Variants in CHRNB3 observed in about 807,000 individuals in gnomAD.
The protein encoded by CHRNB3 is neuronal acetylcholine receptor subunit beta-3.
In CHRNB3, 37 loss-of-function variants were observed where a neutral mutation model predicts 40.6. The ratio of observed to expected loss-of-function variants is 0.91; its 90% confidence interval spans 0.70 to 1.20. The LOEUF is 1.20. Ranked by LOEUF, CHRNB3 falls within the 50% of genes most tolerant of loss-of-function variation. The pLI is 0.00. For synonymous variants in CHRNB3, 207 were observed against 207.1 expected, an observed-to-expected ratio of 1.00 and a Z score of 0.00; for missense variants, 505 against 551.2, an observed-to-expected ratio of 0.92 and a Z score of 0.84.
chr8:42,709,751 C>T (rs1419761216), intron 2 of CHRNB3, among the ~76,000 whole-genome samples: 1 of 152,196 alleles, frequency 6.6e-6, no homozygotes, highest in South Asian at 2.1e-4. Context: ...CCTGCCTCAG[C>T]TTCCTGAGTA....
intron 3 of CHRNB3, among the ~76,000 whole-genome samples, chr8:42,725,058 T>C (rs1816282822): frequency 6.6e-6 from 1 of 151,510 alleles, no homozygotes; most frequent in Admixed American, 6.6e-5. Context: ...GCCATGAACA[T>C]AAGCTACTGT....
intron 3 of CHRNB3, 90 bp downstream of exon 3, chr8:42,710,524 G>A (rs1317116408): frequency 1.4e-5 from 14 of 1,021,134 alleles, no homozygotes; most frequent in Non-Finnish European, 1.9e-5. Flanking sequence ...TTATTTAAGA[G>A]GGCATATTGT....
chr8:42,728,382 G>T (rs1041025708), intron 3 of CHRNB3, among the ~76,000 whole-genome samples: 22 of 152,050 alleles, frequency 1.4e-4, no homozygotes, highest in Non-Finnish European at 3.1e-4. Context: ...AATTAGCCGG[G>T]TGTGGTGGTA....
intron 5 of CHRNB3, among the ~76,000 whole-genome samples, chr8:42,733,573 T>G (rs1049627076): frequency 1.3e-5 from 2 of 151,246 alleles, no homozygotes; most frequent in African/African-American, 4.9e-5. Context: ...CCTTTCTAAT[T>G]ATCATCCTCA....
At chr8:42,729,797 A>T (rs983231109) in intron 3 of CHRNB3, among the ~76,000 whole-genome samples, 2 of 152,070 alleles carry the variant, frequency 1.3e-5, no homozygotes, top group Non-Finnish European at 2.9e-5. Context: ...ATGATTCTGG[A>T]CCCTAAAATC....
intron 1 of CHRNB3, among the ~76,000 whole-genome samples, chr8:42,707,909 T>C (rs1354148249): frequency 6.6e-6 from 1 of 152,182 alleles, no homozygotes; most frequent in Non-Finnish European, 1.5e-5. Flanking sequence ...TGGGTAAACA[T>C]GATCAAATAT....
chr8:42,707,335 T>G (rs1417820214), intron 1 of CHRNB3, among the ~76,000 whole-genome samples: 1 of 152,198 alleles, frequency 6.6e-6, no homozygotes, highest in Non-Finnish European at 1.5e-5. Context: ...AGGGTATGTC[T>G]CTCATGAGAT....
At position 42,726,695 on chromosome 8, in the gene CHRNB3, G is replaced by T. The variant is rs78631850; in HGVS notation, c.250-3899G>T. 2.3e-3 allele frequency among the ~76,000 whole-genome samples: 345 copies of T among 152,116 alleles called. 7 individuals are homozygous for T. Among genetic ancestry groups the T allele is most frequent in the African/African-American group, 7.6e-3 (315 of 41,470 alleles). Reference sequence around the variant, plus strand: ...TGTAGAGACAGGGTTTCACCATGTTGGCCAGGCTGATCATGAACTCCTGAC... The same window carrying T: ...TGTAGAGACAGGGTTTCACCATGTTTGCCAGGCTGATCATGAACTCCTGAC... On this transcript the variant is annotated intron_variant, in intron 3 of 5. Coordinates refer to ENST00000289957, the MANE Select transcript of CHRNB3 (RefSeq NM_000749.5).
At chr8:42,726,387 A>G (rs1295259704) in intron 3 of CHRNB3, among the ~76,000 whole-genome samples, 1 of 152,214 alleles carries the variant, frequency 6.6e-6, no homozygotes, top group Non-Finnish European at 1.5e-5. Flanking sequence ...TAAGTGAGGT[A>G]AGCCAGGTCA....
chr8:42,700,398 T>G (rs529340318), intron 1 of CHRNB3, among the ~76,000 whole-genome samples: 1 of 152,132 alleles, frequency 6.6e-6, no homozygotes, highest in Non-Finnish European at 1.5e-5. Context: ...CTTGGCTCAC[T>G]GCAACCTTTG....
At chr8:42,715,919 A>G (rs1425598926) in intron 3 of CHRNB3, among the ~76,000 whole-genome samples, 7 of 151,810 alleles carry the variant, frequency 4.6e-5, no homozygotes, top group Non-Finnish European at 1.0e-4. Context: ...CTGCTCCATC[A>G]TATCAAGGTT....
intron 3 of CHRNB3, among the ~76,000 whole-genome samples, chr8:42,722,327 T>C (rs957281111): frequency 2.0e-5 from 3 of 151,062 alleles, no homozygotes; most frequent in Non-Finnish European, 2.9e-5. Context: ...ATCGCGCCAC[T>C]GCACTCCAGC....
chr8:42,736,647 A>C lies in CHRNB3; in HGVS notation c.*29A>C. On this transcript the variant is annotated 3_prime_UTR_variant, in exon 6 of 6. Coordinates refer to ENST00000289957, the MANE Select transcript of CHRNB3 (RefSeq NM_000749.5). ...TTTAAAAGACATAAGACTAAATTAC[A>C]CCTTAGACCTGACATCTGGCTATCA... The C allele has an allele frequency of 1.2e-6, 2 of 1,612,996 alleles. No individual in the cohort carries two copies. The highest frequency in any genetic ancestry group is 8.5e-7 in the Non-Finnish European group (1 of 1,179,282).
chr8:42,709,183 G>C (rs1360632770), intron 2 of CHRNB3, among the ~76,000 whole-genome samples: 1 of 152,230 alleles, frequency 6.6e-6, no homozygotes, highest in East Asian at 1.9e-4. Flanking sequence ...GCAGAGAAGA[G>C]GGGCTGAGCC....
chr8:42,731,319 G>A (rs1367290763), intron 4 of CHRNB3, among the ~76,000 whole-genome samples: 1 of 152,142 alleles, frequency 6.6e-6, no homozygotes, highest in African/African-American at 2.4e-5. Context: ...ACTTTGGGAG[G>A]CCGAGGCGGG....
chr8:42,726,300 A>G, intron 3 of CHRNB3: 1 of 583,102 alleles, frequency 1.7e-6, no homozygotes, highest in African/African-American at 1.9e-5. Flanking sequence ...TTCAGATTGG[A>G]AAGGAAGAAA....
intron 3 of CHRNB3, among the ~76,000 whole-genome samples, chr8:42,711,250 C>T (rs933335590): frequency 2.6e-5 from 4 of 151,968 alleles, no homozygotes; most frequent in Non-Finnish European, 5.9e-5. Context: ...GCAGAGGCTG[C>T]AGTGAGCCAA....
rs200208297 is a variant in CHRNB3, at chr8:42,731,745, C to T, written c.438C>T (p.Pro146=). ...KSNGTVVWTP[P]ASYKSSCTMD... ...ACGGAACTGTTGTCTGGACCCCTCC[C>T]GCCAGCTACAAAAGCTCCTGCACCA... The change falls in exon 5 of 6, where the codon CCC becomes CCT. Residue 146 remains proline, a synonymous_variant. Transcript: ENST00000289957. 189 of 1,613,918 alleles carry T rather than the reference C, an allele frequency of 1.2e-4. No individual in the cohort carries two copies. The highest frequency in any genetic ancestry group is 1.5e-4 in the Non-Finnish European group (181 of 1,180,032).
intron 3 of CHRNB3, among the ~76,000 whole-genome samples, chr8:42,727,706 T>C (rs1297412995): frequency 6.6e-6 from 1 of 151,936 alleles, no homozygotes; most frequent in Admixed American, 6.6e-5. Flanking sequence ...CTACTAAAAA[T>C]ACAAAAATCA....
Sources: gnomAD v4.1 joint callset for allele counts (sites outside exome capture counted in the v4.1 genomes callset) on GRCh38, gnomAD v4.1.1 for gene constraint, MANE v1.5 for transcripts, NCBI Gene and HGNC (gene_info 2026-07-23, HGNC 2026-07-21) for gene names.